The following CTBP1 variants were observed in gnomAD, a reference collection of about 807,000 sequenced individuals.
CTBP1 encodes the protein C-terminal-binding protein 1.
In CTBP1, 11 loss-of-function variants were observed where a neutral mutation model predicts 42.1. The ratio of observed to expected loss-of-function variants is 0.26; its 90% confidence interval spans 0.16 to 0.43. CTBP1 has a LOEUF of 0.43. CTBP1 is among the 20% of genes least tolerant of loss of function. The probability of loss-of-function intolerance (pLI) is 1.00; values close to 1 mark genes in which losing one functional copy is unlikely to be tolerated. For missense variants in CTBP1, 399 were observed against 624.3 expected, an observed-to-expected ratio of 0.64 and a Z score of 3.85; for synonymous variants, 324 against 277.1, an observed-to-expected ratio of 1.17 and a Z score of -1.68.
rs1024753513 is a variant in CTBP1, at chr4:1,227,309, C to T, written c.307+890G>A. 9.2e-5 allele frequency among the ~76,000 whole-genome samples: 14 copies of T among 151,526 alleles called. 1 individual carries two copies. The highest frequency in any genetic ancestry group is 2.0e-4 in the East Asian group (1 of 5,096). ...CAGGTGCAGATGAGTGTGCGTGATCCGTGTGCTGAGTGCATGTGCACGGGT... is the reference window on the plus strand; with the variant it reads ...CAGGTGCAGATGAGTGTGCGTGATCTGTGTGCTGAGTGCATGTGCACGGGT... On this transcript the variant is annotated intron_variant, in intron 4 of 9. Transcript: ENST00000382952.
chr4:1,232,308 A>G (rs1462108033), intron 3 of CTBP1, among the ~76,000 whole-genome samples: 1 of 152,010 alleles, frequency 6.6e-6, no homozygotes, highest in East Asian at 1.9e-4. Context: ...TTGCTATGTC[A>G]TTCTTTCTTT....
intron 9 of CTBP1, chr4:1,212,666 C>T (rs1203652733): frequency 3.3e-6 from 2 of 608,358 alleles, no homozygotes; most frequent in Non-Finnish European, 5.8e-6. Context: ...AAGCCCCCTC[C>T]TCCCACAGGC....
At chr4:1,244,938 C>A in intron 1 of CTBP1, 2 of 985,460 alleles carry the variant, frequency 2.0e-6, no homozygotes, top group Non-Finnish European at 2.4e-6. Flanking sequence ...ATACAGCCAC[C>A]TGCCGCCCAG....
At chr4:1,228,158 T>C (rs368632879) in intron 4 of CTBP1, 41 bp downstream of exon 4, 8 of 1,608,342 alleles carry the variant, frequency 5.0e-6, no homozygotes, top group Non-Finnish European at 6.8e-6. Flanking sequence ...GGGACGGAGC[T>C]TGCATGAATG....
intron 5 of CTBP1, chr4:1,221,956 G>A (rs373368673): frequency 2.4e-5 from 8 of 326,920 alleles, no homozygotes; most frequent in Middle Eastern, 5.3e-4. Context: ...GGAAGCGGCC[G>A]CCCCCTAGTC....
intron 5 of CTBP1, chr4:1,216,983 G>C (rs1729194909): frequency 6.5e-6 from 1 of 152,720 alleles, no homozygotes; most frequent in Non-Finnish European, 1.5e-5. Context: ...GAAGGAAGCA[G>C]GTTGAGCGCC....
rs566302187 is a variant in CTBP1 at position 1,211,670 on chromosome 4, C to T, written c.*570G>A. The T allele has an allele frequency of 8.5e-5, 13 of 152,382 alleles. No individual in the cohort carries two copies. Among genetic ancestry groups the T allele is most frequent in the Non-Finnish European group, 1.5e-4 (10 of 68,024 alleles). The allele number at this position is 152,382 out of a possible 1,614,324, so 9.4% of individuals were successfully genotyped here. Reference sequence around the variant, plus strand: ...TTTTGGAGCTGCTTCGTGATGCCGTCTTCATTTGGAACAAGGGGGGGTTCA... The same window carrying T: ...TTTTGGAGCTGCTTCGTGATGCCGTTTTCATTTGGAACAAGGGGGGGTTCA... On this transcript the variant is annotated 3_prime_UTR_variant, in exon 10 of 10. Coordinates refer to ENST00000382952, the MANE Select transcript of CTBP1 (RefSeq NM_001012614.2).
At chr4:1,246,544 C>T (rs1732740764) in intron 1 of CTBP1, among the ~76,000 whole-genome samples, 1 of 152,216 alleles carries the variant, frequency 6.6e-6, no homozygotes, top group Admixed American at 6.5e-5. Flanking sequence ...AGGGCACAGC[C>T]GGGCACAAAG....
At chr4:1,227,347 G>C (rs973317217) in intron 4 of CTBP1, among the ~76,000 whole-genome samples, 12 of 151,530 alleles carry the variant, frequency 7.9e-5, no homozygotes, top group African/African-American at 2.9e-4. Context: ...AGATGAGTGT[G>C]TGTGTTCCAT....
At chr4:1,248,886 G>T in intron 1 of CTBP1, 30 bp downstream of exon 1, 1 of 785,738 alleles carries the variant, frequency 1.3e-6, no homozygotes, top group Non-Finnish European at 1.5e-6. Context: ...CCCCGCCCGC[G>T]GCCGGAAACG....
intron 1 of CTBP1, among the ~76,000 whole-genome samples, chr4:1,246,052 T>G (rs558846421): frequency 3.1e-4 from 47 of 152,294 alleles, no homozygotes; most frequent in Admixed American, 2.9e-3. Context: ...AACATTTCCT[T>G]GTGGGAGATA....
chr4:1,243,418 C>T (rs1732395231), intron 1 of CTBP1: 2 of 985,258 alleles, frequency 2.0e-6, no homozygotes, highest in South Asian at 4.7e-5. Context: ...CACCCCATGC[C>T]ACAGGGACTT....
intron 4 of CTBP1, among the ~76,000 whole-genome samples, chr4:1,226,352 G>A (rs1029285445): frequency 5.9e-5 from 9 of 152,158 alleles, no homozygotes; most frequent in Non-Finnish European, 8.8e-5. Context: ...CCCTGGGGAG[G>A]AGGAGGGGGC....
chr4:1,228,215 C>T lies in CTBP1; in HGVS notation c.291G>A (p.Lys97=), dbSNP rs1292813214. ...CCGGCCTACCTAAATCCCCGGCCGA[C>T]TTGATGTCGATGTTGTCAAAACCAC... ...IGSGFDNIDI[K]SAGDLGIAVC... The change falls in exon 4 of 10, where the codon AAG becomes AAA. Residue 97 remains lysine, a synonymous_variant. Transcript: ENST00000382952. 6.2e-7 allele frequency: 1 copy of T among 1,614,054 alleles called. No homozygotes were observed. Among genetic ancestry groups the T allele is most frequent in the East Asian group, 2.2e-5 (1 of 44,902 alleles).
chr4:1,224,790 C>G (rs745759144), intron 5 of CTBP1, among the ~76,000 whole-genome samples: 14 of 149,008 alleles, frequency 9.4e-5, no homozygotes, highest in Non-Finnish European at 1.8e-4. Context: ...GCTGTGATGT[C>G]CATGTGTGAT....
chr4:1,214,130 T>C (rs1728842989), intron 7 of CTBP1: 4 of 583,338 alleles, frequency 6.9e-6, no homozygotes, highest in African/African-American at 2.0e-5. Flanking sequence ...GCTGAGGAGG[T>C]TGAGCAGCCC....
At chr4:1,221,069 A>G (rs1340980965) in intron 5 of CTBP1, among the ~76,000 whole-genome samples, 1 of 152,226 alleles carries the variant, frequency 6.6e-6, no homozygotes, top group Non-Finnish European at 1.5e-5. Flanking sequence ...AAAAACAAAA[A>G]TTTTGAAATT....
intron 5 of CTBP1, among the ~76,000 whole-genome samples, chr4:1,224,680 C>T (rs956660684): frequency 1.3e-5 from 2 of 149,838 alleles, no homozygotes; most frequent in Non-Finnish European, 3.0e-5. Flanking sequence ...GACGTCCGTG[C>T]AGGCCAGTGT....
At chr4:1,240,997 G>C (rs1482295385) in intron 2 of CTBP1, among the ~76,000 whole-genome samples, 1 of 152,210 alleles carries the variant, frequency 6.6e-6, no homozygotes, top group African/African-American at 2.4e-5. Flanking sequence ...GAGATTTCCA[G>C]GGTTCCGTGT....
Sources: allele counts gnomAD v4.1 joint callset (sites outside exome capture counted in the v4.1 genomes callset), GRCh38; gene constraint gnomAD v4.1.1; transcripts MANE v1.5; gene names NCBI Gene and HGNC (gene_info 2026-07-23, HGNC 2026-07-21).